The following EYS variants were observed in gnomAD, a reference collection of about 807,000 sequenced individuals.
The protein encoded by EYS is EGF-like photoreceptor maintenance factor, also known as protein eyes shut homolog.
EYS carries 250 observed loss-of-function variants against 282.1 expected under a neutral mutation model. That is an observed-to-expected ratio of 0.89 (90% CI 0.80 to 0.98). The LOEUF (loss-of-function observed/expected upper bound fraction) is 0.98, where lower values mean the gene tolerates loss of function less well. EYS is among the 50% of genes least tolerant of loss of function. The pLI is 0.00. For synonymous variants in EYS, 1,355 were observed against 1,282.9 expected (o/e 1.06, Z -1.20); for missense variants, 4,016 against 3,709.0 (o/e 1.08, Z -2.15).
At chr6:63,734,968 C>T (rs531471554) in intron 41 of EYS, among the ~76,000 whole-genome samples, 4 of 152,142 alleles carry the variant, frequency 2.6e-5, no homozygotes, top group Non-Finnish European at 5.9e-5. Flanking sequence ...GTCAAAAACA[C>T]ACAAAATATA....
chr6:64,537,139 C>T (rs1156813200), intron 26 of EYS, among the ~76,000 whole-genome samples: 7 of 145,976 alleles, frequency 4.8e-5, no homozygotes, highest in Non-Finnish European at 7.5e-5. Context: ...GTATAACTCC[C>T]AATGCTATCC....
chr6:64,391,280 C>A (rs1270622857), intron 28 of EYS, among the ~76,000 whole-genome samples: 3 of 151,624 alleles, frequency 2.0e-5, no homozygotes, highest in East Asian at 3.9e-4. Context: ...GAGAACGCCA[C>A]AAAGATACTC....
chr6:64,822,954 A>G, intron 19 of EYS, 132 bp from the exon 20 acceptor site: 1 of 670,814 alleles, frequency 1.5e-6, no homozygotes, highest in Non-Finnish European at 2.5e-6. Context: ...TTTGGTAGCA[A>G]AAGAAAATAT....
rs185838297 is a variant in EYS, at chr6:64,362,185, A to C, written c.6078+26505T>G. 7.9e-5 allele frequency among the ~76,000 whole-genome samples: 12 copies of C among 151,934 alleles called. No homozygotes were observed. In the East Asian group the frequency reaches 2.3e-3, roughly 30 times the overall value. ...TTCAACATCAACTACTTGCCTTCAG[A>C]TAATAAGTAGAAATGACAACAGTAA... On this transcript the variant is annotated intron_variant, in intron 29 of 42. Coordinates refer to ENST00000503581, the MANE Select transcript of EYS (RefSeq NM_001142800.2).
At chr6:64,602,853 C>G (rs1766804811) in intron 24 of EYS, among the ~76,000 whole-genome samples, 1 of 151,974 alleles carries the variant, frequency 6.6e-6, no homozygotes. Flanking sequence ...ACAAAGTAAT[C>G]TCAAAGCCAT....
chr6:64,158,230 G>A (rs1453360984), intron 31 of EYS, among the ~76,000 whole-genome samples: 1 of 152,096 alleles, frequency 6.6e-6, no homozygotes, highest in Non-Finnish European at 1.5e-5. Context: ...CATGATGTAG[G>A]TATTTTTGTC....
chr6:65,439,547 CT>C (rs1365221790), intron 5 of EYS, among the ~76,000 whole-genome samples: 1 of 152,002 alleles, frequency 6.6e-6, no homozygotes, highest in African/African-American at 2.4e-5. Context: ...TGTAGTTCTC[CT>C]TGAAGAGGTC....
At chr6:64,767,244 C>T (rs1234114325) in intron 22 of EYS, among the ~76,000 whole-genome samples, 1 of 152,014 alleles carries the variant, frequency 6.6e-6, no homozygotes, top group Admixed American at 6.6e-5. Flanking sequence ...GCATATTCAT[C>T]ATACCGTACA....
chr6:65,317,738 T>A, intron 11 of EYS, among the ~76,000 whole-genome samples: 1 of 152,066 alleles, frequency 6.6e-6, no homozygotes, highest in African/African-American at 2.4e-5. Context: ...CCGACAGAGC[T>A]CAATTCCTTG....
chr6:64,766,519 G>A (rs1252432041), intron 22 of EYS, among the ~76,000 whole-genome samples: 1 of 144,996 alleles, frequency 6.9e-6, no homozygotes, highest in Non-Finnish European at 1.5e-5. Flanking sequence ...ATAATCCCAG[G>A]TACTCAGGAG....
rs114734458 is a variant in EYS, at chr6:65,075,615, T to G, written c.2024-17888A>C. ...GTTACAGTGAATTTCTTAAATAGTA[T>G]TGTATCAGTCTTTTAGTTCAGAAAG... On this transcript the variant is annotated intron_variant, in intron 12 of 42. Transcript: ENST00000503581. Among the ~76,000 whole-genome samples the G allele has an allele frequency of 2.6e-3, 395 of 152,082 alleles. 3 individuals carry two copies. Among genetic ancestry groups the G allele is most frequent in the African/African-American group, 9.0e-3 (375 of 41,540 alleles).
intron 31 of EYS, among the ~76,000 whole-genome samples, chr6:64,181,496 A>C (rs1451347038): frequency 2.0e-5 from 3 of 152,118 alleles, no homozygotes; most frequent in Non-Finnish European, 2.9e-5. Context: ...CAGTAACTGC[A>C]ATTATTATTT....
chr6:64,384,204 A>T (rs1259227798), intron 29 of EYS, among the ~76,000 whole-genome samples: 1 of 152,252 alleles, frequency 6.6e-6, no homozygotes, highest in Non-Finnish European at 1.5e-5. Flanking sequence ...TCTTGAACAT[A>T]CCTGAAGTGC....
intron 28 of EYS, among the ~76,000 whole-genome samples, chr6:64,411,851 CATATATGTATATTTGT>C: frequency 1.1e-5 from 1 of 89,260 alleles, no homozygotes; most frequent in South Asian, 3.6e-4. Context: ...TATATGTTTG[CATATATGTATATTTGT>C]ATATATGTAT....
At chr6:64,030,814 C>T (rs957151965) in intron 33 of EYS, among the ~76,000 whole-genome samples, 1 of 152,336 alleles carries the variant, frequency 6.6e-6, no homozygotes, top group Middle Eastern at 3.4e-3. Flanking sequence ...CAACTAACAA[C>T]TTCTACTGAG....
intron 33 of EYS, among the ~76,000 whole-genome samples, chr6:64,020,180 T>C (rs1294037941): frequency 2.6e-5 from 4 of 152,104 alleles, no homozygotes; most frequent in Non-Finnish European, 4.4e-5. Flanking sequence ...TTAACAACAA[T>C]GAATTGCATT....
chr6:64,840,651 G>A (rs1765535015), intron 19 of EYS, among the ~76,000 whole-genome samples: 1 of 151,868 alleles, frequency 6.6e-6, no homozygotes, highest in Non-Finnish European at 1.5e-5. Context: ...AAATCCATGG[G>A]GTATAGAATC....
At chr6:65,639,112 C>T (rs1030678574) in intron 2 of EYS, among the ~76,000 whole-genome samples, 3 of 152,094 alleles carry the variant, frequency 2.0e-5, no homozygotes, top group South Asian at 4.1e-4. Flanking sequence ...GAACAATATC[C>T]TCTTAGTTGC....
chr6:65,178,400 A>G (rs567159903), intron 12 of EYS, among the ~76,000 whole-genome samples: 1 of 152,028 alleles, frequency 6.6e-6, no homozygotes, highest in South Asian at 2.1e-4. Context: ...TCTAATTTTG[A>G]CTGAAGTAAA....
Sources: gnomAD v4.1 joint callset for allele counts (sites outside exome capture counted in the v4.1 genomes callset) on GRCh38, gnomAD v4.1.1 for gene constraint, MANE v1.5 for transcripts, NCBI Gene and HGNC (gene_info 2026-07-23, HGNC 2026-07-21) for gene names.